Variants in TFCP2L1 observed in about 807,000 individuals in gnomAD.
TFCP2L1 encodes transcription factor CP2 like 1, also known as transcription factor CP2-like protein 1.
TFCP2L1 carries 12 observed loss-of-function variants against 72.2 expected under a neutral mutation model. That is an observed-to-expected ratio of 0.17 (90% CI 0.11 to 0.27). The LOEUF (loss-of-function observed/expected upper bound fraction) is 0.27. Ranked by LOEUF, TFCP2L1 falls within the 10% of genes least tolerant of loss-of-function variation. The probability of loss-of-function intolerance (pLI) is 1.00; values close to 1 mark genes in which losing one functional copy is unlikely to be tolerated. For missense variants in TFCP2L1, 488 were observed against 624.6 expected (o/e 0.78, Z 2.33); for synonymous variants, 260 against 251.0 (o/e 1.04, Z -0.34).
At chr2:121,256,101 C>A (rs1310413774) in intron 2 of TFCP2L1, among the ~76,000 whole-genome samples, 2 of 152,166 alleles carry the variant, frequency 1.3e-5, no homozygotes, top group Non-Finnish European at 2.9e-5. Flanking sequence ...CTAAACCCTC[C>A]CGCTTCTCCT....
Position 121,243,731 on chromosome 2 carries a change from G to A in TFCP2L1, c.658-1262C>T, listed in dbSNP as rs372694172. 5.3e-5 allele frequency among the ~76,000 whole-genome samples: 8 copies of A among 151,576 alleles called. No individual in the cohort carries two copies. The East Asian group carries it at 9.7e-4, about 18-fold the overall frequency. ...GATGATGGGTGACTGTCCTCCCCCC[G>A]CCACCTCTATATGAGACCATCTAGT... is the stretch of plus-strand genomic sequence containing the variant. On this transcript the variant is annotated intron_variant, in intron 6 of 14. Transcript: ENST00000263707.
At chr2:121,280,822 G>C (rs1438780704) in intron 2 of TFCP2L1, among the ~76,000 whole-genome samples, 2 of 141,442 alleles carry the variant, frequency 1.4e-5, no homozygotes, top group Non-Finnish European at 3.1e-5. Context: ...GGGAGGGAGG[G>C]AAAAACAGAA....
intron 2 of TFCP2L1, among the ~76,000 whole-genome samples, chr2:121,253,254 T>C (rs1686647031): frequency 6.6e-6 from 1 of 152,224 alleles, no homozygotes; most frequent in East Asian, 1.9e-4. Flanking sequence ...CTGCTCATGG[T>C]GACGCGCTGG....
At position 121,281,102 on chromosome 2, in the gene TFCP2L1, G is replaced by A. The variant is rs200687495; in HGVS notation, c.214+18C>T. 73 of 1,613,494 alleles carry A rather than the reference G, an allele frequency of 4.5e-5. No individual in the cohort carries two copies. The highest frequency in any genetic ancestry group is 2.2e-4 in the South Asian group (20 of 91,068). On this transcript the variant is annotated intron_variant, in intron 2 of 14. Coordinates refer to ENST00000263707, the MANE Select transcript of TFCP2L1 (RefSeq NM_014553.3). Reference sequence around the variant, plus strand: ...CTACTTCTGGGTTCCGCCCTGGCCCGGGGCCTCTGGCCACTACCTTGGTTG... The same window carrying A: ...CTACTTCTGGGTTCCGCCCTGGCCCAGGGCCTCTGGCCACTACCTTGGTTG...
At chr2:121,254,564 A>C (rs993981419) in intron 2 of TFCP2L1, among the ~76,000 whole-genome samples, 1 of 152,212 alleles carries the variant, frequency 6.6e-6, no homozygotes, top group African/African-American at 2.4e-5. Flanking sequence ...TTGGGAGGCC[A>C]AGGCAGATGG....
rs575308711 is a variant in TFCP2L1, at chr2:121,255,009, G to A, written c.215-5362C>T. On this transcript the variant is annotated intron_variant, in intron 2 of 14. Coordinates refer to ENST00000263707, the MANE Select transcript of TFCP2L1 (RefSeq NM_014553.3). ...GCCCTCCTGGATGGGGGAAGCAGAG[G>A]CTCAGAGAGGTTACCTGACAGGGGC... Among the ~76,000 whole-genome samples the A allele has an allele frequency of 8.5e-5, 13 of 152,278 alleles. 1 individual carries two copies. In the South Asian group the frequency reaches 2.7e-3, roughly 32 times the overall value.
At chr2:121,264,572 G>A (rs1423836073) in intron 2 of TFCP2L1, among the ~76,000 whole-genome samples, 1 of 152,218 alleles carries the variant, frequency 6.6e-6, no homozygotes, top group African/African-American at 2.4e-5. Flanking sequence ...GAGGCCGTGT[G>A]CTCTCAGGAG....
rs1686311587 is a variant in TFCP2L1, at chr2:121,239,211, C to G, written c.860+347G>C. On this transcript the variant is annotated intron_variant, in intron 8 of 14. Coordinates refer to ENST00000263707, the MANE Select transcript of TFCP2L1 (RefSeq NM_014553.3). ...TCAGTGACCATGCTGGACAAAGAAC[C>G]AGGAAAGGCCCCCCAGACAGCTGCT... 2.0e-5 allele frequency among the ~76,000 whole-genome samples: 3 copies of G among 152,282 alleles called. No individual in the cohort carries two copies. In the Middle Eastern group the frequency reaches 0.01, roughly 518 times the overall value.
At chr2:121,275,348 G>A (rs375626216) in intron 2 of TFCP2L1, among the ~76,000 whole-genome samples, 111 of 126,048 alleles carry the variant, frequency 8.8e-4, no homozygotes, top group African/African-American at 1.5e-3. Flanking sequence ...GCAGTGAGCC[G>A]AGATCGCGCC....
intron 13 of TFCP2L1, among the ~76,000 whole-genome samples, chr2:121,226,595 C>T (rs528758842): frequency 2.6e-5 from 4 of 152,266 alleles, no homozygotes; most frequent in Non-Finnish European, 5.9e-5. Flanking sequence ...CTACCTGTGT[C>T]TATAAATGTG....
In TFCP2L1 at chr2:121,240,828, G is replaced by C. The variant is rs905711141; in HGVS notation, c.769-1179C>G. ...TGCTTGCATCCTGCCACTCCTTTGC[G>C]GGCCGTGGGGGAGGCAGGTGACTGA... is the stretch of plus-strand genomic sequence containing the variant. On this transcript the variant is annotated intron_variant, in intron 7 of 14. Coordinates refer to ENST00000263707, the MANE Select transcript of TFCP2L1 (RefSeq NM_014553.3). The C allele has an allele frequency of 1.2e-5, 10 of 808,066 alleles. No homozygotes were observed. In the East Asian group the frequency reaches 1.3e-3, roughly 101 times the overall value. The allele number at this position is 808,066 out of a possible 1,614,324, so 50.1% of individuals were successfully genotyped here.
rs756070862 is a variant in TFCP2L1 at position 121,237,617 on chromosome 2, G to A, written c.1003+6C>T. 1.2e-6 allele frequency: 2 copies of A among 1,614,076 alleles called. No homozygotes were observed. Among genetic ancestry groups the A allele is most frequent in the South Asian group, 1.1e-5 (1 of 91,084 alleles). On this transcript the variant is annotated splice_donor_region_variant and intron_variant, in intron 10 of 14. Coordinates refer to ENST00000263707, the MANE Select transcript of TFCP2L1 (RefSeq NM_014553.3). Reference sequence around the variant, plus strand: ...TGGGCTTTAAACACAGTTCGGAGATGCTCACCTGAGAAGCTGGCAAAGAGC... The same window carrying A: ...TGGGCTTTAAACACAGTTCGGAGATACTCACCTGAGAAGCTGGCAAAGAGC...
At position 121,234,110 on chromosome 2, in the gene TFCP2L1, A is replaced by G. The variant is rs764301356; in HGVS notation, c.1179T>C (p.Ser393=). Residue 393 remains serine, a synonymous_variant, in exon 12 of 15, where the codon AGT becomes AGC. Coordinates refer to ENST00000263707, the MANE Select transcript of TFCP2L1 (RefSeq NM_014553.3). ...ACTCACCAGACAGGTTGCTGTCTCCACTGCCGTCCCGCTTCTGCTGCAGGG... is the reference window on the plus strand; with the variant it reads ...ACTCACCAGACAGGTTGCTGTCTCCGCTGCCGTCCCGCTTCTGCTGCAGGG... ...RVPLQQKRDG[S]GDSNLSVYHA... The G allele has an allele frequency of 6.2e-7, 1 of 1,613,706 alleles. No homozygotes were observed. Among genetic ancestry groups the G allele is most frequent in the East Asian group, 2.2e-5 (1 of 44,876 alleles).
intron 2 of TFCP2L1, among the ~76,000 whole-genome samples, chr2:121,260,529 G>A (rs1416592191): frequency 6.6e-6 from 1 of 152,162 alleles, no homozygotes; most frequent in Non-Finnish European, 1.5e-5. Context: ...ACTGTATTCC[G>A]TGCTGCACAC....
intron 2 of TFCP2L1, among the ~76,000 whole-genome samples, chr2:121,261,140 G>C (rs542723740): frequency 6.6e-6 from 1 of 152,218 alleles, no homozygotes; most frequent in Non-Finnish European, 1.5e-5. Context: ...GTATGCTTCA[G>C]GGAAAAGGCT....
intron 2 of TFCP2L1, among the ~76,000 whole-genome samples, chr2:121,258,755 C>T (rs1573384013): frequency 6.6e-6 from 1 of 152,188 alleles, no homozygotes; most frequent in African/African-American, 2.4e-5. Flanking sequence ...CTGAACACAA[C>T]GTCCAGTCCT....
At position 121,217,983 on chromosome 2, in the gene TFCP2L1, C is replaced by G. The variant is rs1685864180; in HGVS notation, c.*6358G>C. Reference sequence around the variant, plus strand: ...CAGGGTTAATGCAGAAACCGCTCATCTGAATGCTTCCCCTGCTTCCAAGCG... The same window carrying G: ...CAGGGTTAATGCAGAAACCGCTCATGTGAATGCTTCCCCTGCTTCCAAGCG... On this transcript the variant is annotated 3_prime_UTR_variant, in exon 15 of 15. Transcript: ENST00000263707. The G allele has an allele frequency of 6.6e-6, 1 of 152,228 alleles. No individual in the cohort carries two copies. Among genetic ancestry groups the G allele is most frequent in the South Asian group, 2.1e-4 (1 of 4,830 alleles). The allele number at this position is 152,228 out of a possible 1,614,324, so 9.4% of individuals were successfully genotyped here. A position where few individuals can be genotyped will look rare whatever the true frequency, so the allele number is the denominator to read the frequency against.
chr2:121,273,123 TGAAA>T (rs904213819), intron 2 of TFCP2L1, among the ~76,000 whole-genome samples: 2 of 152,168 alleles, frequency 1.3e-5, no homozygotes, highest in African/African-American at 4.8e-5. Flanking sequence ...CATGAATGAA[TGAAA>T]GTAAGCATAT....
rs377198778 is a variant in TFCP2L1 at position 121,281,079 on chromosome 2, A to G, written c.214+41T>C. On this transcript the variant is annotated intron_variant, in intron 2 of 14. Coordinates refer to ENST00000263707, the MANE Select transcript of TFCP2L1 (RefSeq NM_014553.3). The stretch of plus-strand genomic sequence containing the variant: ...GGGCCTTTCGCATCAGCTCCCCACT[A>G]CTTCTGGGTTCCGCCCTGGCCCGGG... 3.5e-5 allele frequency: 57 copies of G among 1,612,190 alleles called. No individual in the cohort carries two copies. The African/African-American group carries it at 5.2e-4, about 15-fold the overall frequency.
Sources: allele counts gnomAD v4.1 joint callset (sites outside exome capture counted in the v4.1 genomes callset), GRCh38; gene constraint gnomAD v4.1.1; transcripts MANE v1.5; gene names NCBI Gene and HGNC (gene_info 2026-07-23, HGNC 2026-07-21).